KLHL3: variants seen among roughly 807,000 people sequenced by gnomAD.
The protein encoded by KLHL3 is kelch-like protein 3.
KLHL3 carries 19 observed loss-of-function variants against 70.5 expected under a neutral mutation model. That is an observed-to-expected ratio of 0.27 (90% CI 0.19 to 0.40). The LOEUF is 0.40. KLHL3 is among the 10% of genes least tolerant of loss of function. The probability of loss-of-function intolerance (pLI) is 1.00; values close to 1 mark genes in which losing one functional copy is unlikely to be tolerated. For synonymous variants in KLHL3, 258 were observed against 290.3 expected (o/e 0.89, Z 1.13); for missense variants, 512 against 771.1 (o/e 0.66, Z 3.98).
At chr5:137,638,807 G>A (rs1486996283) in intron 10 of KLHL3, 146 bp downstream of exon 10, 1 of 748,594 alleles carries the variant, frequency 1.3e-6, no homozygotes, top group Non-Finnish European at 2.2e-6. Context: ...TCACCCAAAA[G>A]CTGGATGAGG....
intron 8 of KLHL3, among the ~76,000 whole-genome samples, chr5:137,655,512 T>C (rs984683213): frequency 6.6e-6 from 1 of 152,140 alleles, no homozygotes; most frequent in Admixed American, 6.6e-5. Flanking sequence ...TTTCTAAACA[T>C]GACACAAAAC....
intron 12 of KLHL3, among the ~76,000 whole-genome samples, chr5:137,632,407 G>A (rs996801433): frequency 6.6e-6 from 1 of 151,934 alleles, no homozygotes; most frequent in East Asian, 1.9e-4. Context: ...AAAACAATGG[G>A]GAAAAGACTC....
intron 14 of KLHL3, 93 bp downstream of exon 14, chr5:137,625,660 C>A: frequency 6.8e-7 from 1 of 1,472,406 alleles, no homozygotes; most frequent in Non-Finnish European, 9.3e-7. Flanking sequence ...GTTAAGCAAG[C>A]TCACATCCCC....
In KLHL3 at chr5:137,639,779, A is replaced by T; in HGVS notation, c.1021+81T>A. The T allele has an allele frequency of 1.0e-6, 1 of 998,378 alleles. No homozygotes were observed. The highest frequency in any genetic ancestry group is 1.6e-6 in the Non-Finnish European group (1 of 627,978). 61.8% of individuals were successfully genotyped at this position (998,378 alleles called of 1,614,324 possible). ...CTGAAATGCACAGATGCTTGAGGAA[A>T]CAAGGAGTAGCTCACGACTTCTGGC... On this transcript the variant is annotated intron_variant, in intron 9 of 14. Coordinates refer to ENST00000309755, the MANE Select transcript of KLHL3 (RefSeq NM_017415.3). The surrounding 1 kb of genome is among the most constrained non-coding windows in gnomAD (Gnocchi z 5.0).
At chr5:137,718,486 A>G (rs1248698937) in intron 2 of KLHL3, among the ~76,000 whole-genome samples, 1 of 152,222 alleles carries the variant, frequency 6.6e-6, no homozygotes, top group Non-Finnish European at 1.5e-5. Flanking sequence ...TGACAGACCA[A>G]GACTCTGTCT....
intron 6 of KLHL3, among the ~76,000 whole-genome samples, chr5:137,663,056 CTTTTTTTTTT>C (rs139890036): frequency 4.4e-4 from 34 of 77,924 alleles, no homozygotes; most frequent in African/African-American, 1.7e-3. Flanking sequence ...AGCACTCGTT[CTTTTTTTTTT>C]TTTTTTTTTT....
intron 5 of KLHL3, among the ~76,000 whole-genome samples, chr5:137,680,059 G>T (rs903629189): frequency 4.6e-5 from 7 of 152,146 alleles, no homozygotes; most frequent in Non-Finnish European, 8.8e-5. Flanking sequence ...GAAAAGACAG[G>T]AACAGGATGC....
chr5:137,672,402 A>G (rs1023139310), intron 6 of KLHL3, among the ~76,000 whole-genome samples: 10 of 152,362 alleles, frequency 6.6e-5, no homozygotes, highest in African/African-American at 2.4e-4. Context: ...AAGAAATAAG[A>G]TATCAAAATT....
chr5:137,659,697 T>C (rs774255785), intron 7 of KLHL3, among the ~76,000 whole-genome samples: 2 of 152,206 alleles, frequency 1.3e-5, no homozygotes, highest in East Asian at 3.9e-4. Context: ...CCTGGAAAGT[T>C]AGTGCTTCAT....
intron 6 of KLHL3, among the ~76,000 whole-genome samples, chr5:137,670,350 G>T (rs1220137437): frequency 6.6e-6 from 1 of 151,742 alleles, no homozygotes; most frequent in Admixed American, 6.6e-5. Flanking sequence ...ATTCATTTTG[G>T]AAATGAATTA....
At chr5:137,735,186 G>A (rs1306566949) in intron 1 of KLHL3, among the ~76,000 whole-genome samples, 4 of 152,154 alleles carry the variant, frequency 2.6e-5, no homozygotes, top group Non-Finnish European at 5.9e-5. Flanking sequence ...GAAGATTCAA[G>A]CACTCCTGCG....
chr5:137,647,429 CCT>C, intron 8 of KLHL3: 1 of 426,730 alleles, frequency 2.3e-6, no homozygotes. Flanking sequence ...AGACCCTAGC[CCT>C]GGCCTCAGGA....
intron 12 of KLHL3, among the ~76,000 whole-genome samples, chr5:137,631,828 CG>C (rs920536176): frequency 6.6e-6 from 1 of 152,100 alleles, no homozygotes; most frequent in African/African-American, 2.4e-5. Flanking sequence ...TGAGGAGGAG[CG>C]TATTATCTCA....
chr5:137,646,909 T>C (rs541667769), intron 8 of KLHL3, among the ~76,000 whole-genome samples: 1 of 152,176 alleles, frequency 6.6e-6, no homozygotes, highest in Admixed American at 6.5e-5. Flanking sequence ...AGACTGAACA[T>C]AATTTAATCA....
chr5:137,651,338 T>C (rs1045835598), intron 8 of KLHL3, among the ~76,000 whole-genome samples: 2 of 152,176 alleles, frequency 1.3e-5, no homozygotes, highest in African/African-American at 4.8e-5. Flanking sequence ...ACTGTCCTTG[T>C]TGTTCAAAAA....
chr5:137,723,929 C>T (rs912256851), intron 1 of KLHL3, among the ~76,000 whole-genome samples: 3 of 152,146 alleles, frequency 2.0e-5, no homozygotes, highest in Non-Finnish European at 4.4e-5. Context: ...TAAAGTAATG[C>T]TAAATTTTAT....
chr5:137,650,851 T>C (rs1478308359), intron 8 of KLHL3, among the ~76,000 whole-genome samples: 1 of 149,074 alleles, frequency 6.7e-6, no homozygotes, highest in African/African-American at 2.5e-5. Context: ...AATGAATTAA[T>C]GCATACATGA....
intron 3 of KLHL3, among the ~76,000 whole-genome samples, chr5:137,699,587 G>C (rs1752524028): frequency 6.6e-6 from 1 of 152,180 alleles, no homozygotes; most frequent in Non-Finnish European, 1.5e-5. Flanking sequence ...AACGGCAATA[G>C]CAGCACCACA....
chr5:137,678,257 C>G (rs1751935443), intron 5 of KLHL3, among the ~76,000 whole-genome samples: 1 of 152,172 alleles, frequency 6.6e-6, no homozygotes, highest in South Asian at 2.1e-4. Flanking sequence ...CCCCTAGGAA[C>G]AGTCCACAGA....
Sources: allele counts gnomAD v4.1 joint callset (sites outside exome capture counted in the v4.1 genomes callset), GRCh38; gene constraint gnomAD v4.1.1; non-coding constraint Gnocchi (gnomAD v3.1); transcripts MANE v1.5; gene names NCBI Gene and HGNC (gene_info 2026-07-23, HGNC 2026-07-21).